The following PRKN variants were observed in gnomAD, a reference collection of about 807,000 sequenced individuals.
The protein encoded by PRKN is parkin RBR E3 ubiquitin protein ligase.
Under a neutral mutation model 59.5 loss-of-function variants are expected in PRKN, and 56 were observed. The ratio of observed to expected loss-of-function variants is 0.94; its 90% CI spans 0.76 to 1.18. The LOEUF is 1.18. PRKN is among the 50% of genes most tolerant of loss of function. The probability of loss-of-function intolerance (pLI) is 0.00; values close to 1 mark genes in which losing one functional copy is unlikely to be tolerated. For synonymous variants in PRKN, 250 were observed against 222.1 expected (o/e 1.13, Z -1.12); for missense variants, 657 against 596.4 (o/e 1.10, Z -1.06).
At chr6:162,653,081 C>T (rs1778506428) in intron 1 of PRKN, among the ~76,000 whole-genome samples, 1 of 152,168 alleles carries the variant, frequency 6.6e-6, no homozygotes, top group Non-Finnish European at 1.5e-5. Context: ...CTGTCATAAA[C>T]AATTTTAAGT....
rs552681381 is a variant in PRKN, at chr6:162,277,694, T to C, written c.172-14929A>G. On this transcript the variant is annotated intron_variant, in intron 2 of 11. Transcript: ENST00000366898. ...AGATGGCAAAGAAGTAGGCTCCACA[T>C]CTTATGTCCTCAGGGAGCAGCAAAT... Among the ~76,000 whole-genome samples the C allele has an allele frequency of 4.0e-5, 6 of 151,806 alleles. No individual in the cohort carries two copies. In the South Asian group the frequency reaches 6.2e-4, roughly 16 times the overall value.
chr6:161,877,731 G>A (rs1241741635), intron 6 of PRKN, among the ~76,000 whole-genome samples: 1 of 152,018 alleles, frequency 6.6e-6, no homozygotes, highest in Non-Finnish European at 1.5e-5. Context: ...GCCTCCCAAA[G>A]TGCTGGGATT....
intron 1 of PRKN, among the ~76,000 whole-genome samples, chr6:162,459,540 CAGCAGAGA>C (rs1359787800): frequency 4.6e-5 from 7 of 152,158 alleles, no homozygotes; most frequent in African/African-American, 1.7e-4. Flanking sequence ...TTTAACTTCG[CAGCAGAGA>C]TTTAAGCCAG....
rs992821326 is a variant in PRKN, at chr6:162,059,747, C to CT, written c.535-5574dup. 1.3e-4 allele frequency among the ~76,000 whole-genome samples: 19 copies of CT among 150,836 alleles called. 1 individual carries two copies. The highest frequency in any genetic ancestry group is 8.5e-4 in the South Asian group (4 of 4,726). ...TTGGCTGGTTTTTAGAGAACGTTCT[C>CT]TTTTTTTTTGCCTAGTAATGACGAT... On this transcript the variant is annotated intron_variant, in intron 4 of 11. Transcript: ENST00000366898.
At chr6:162,082,927 C>G (rs886347998) in intron 4 of PRKN, among the ~76,000 whole-genome samples, 2 of 152,142 alleles carry the variant, frequency 1.3e-5, no homozygotes, top group East Asian at 3.9e-4. Flanking sequence ...CACTAAAGAT[C>G]ACTGATCATA....
At chr6:161,948,718 A>G (rs550221527) in intron 6 of PRKN, among the ~76,000 whole-genome samples, 1 of 152,266 alleles carries the variant, frequency 6.6e-6, no homozygotes, top group Non-Finnish European at 1.5e-5. Flanking sequence ...AAAGATTTGG[A>G]ACTTGCTTAG....
At chr6:162,667,334 T>C (rs1779139595) in intron 1 of PRKN, among the ~76,000 whole-genome samples, 1 of 152,120 alleles carries the variant, frequency 6.6e-6, no homozygotes. Context: ...TTACCAAGTA[T>C]ATAATCCACA....
At position 161,482,997 on chromosome 6, in the gene PRKN, G is replaced by A. The variant is rs1387759093; in HGVS notation, c.1083+65857C>T. 4.6e-5 allele frequency among the ~76,000 whole-genome samples: 7 copies of A among 152,000 alleles called. No individual in the cohort carries two copies. In the East Asian group the frequency reaches 5.8e-4, roughly 13 times the overall value. ...CAGCATCTTCACTAAATTTAATCACGAAGTCTGGCAGTACAGAATTCTTCC... is the reference window on the plus strand; with the variant it reads ...CAGCATCTTCACTAAATTTAATCACAAAGTCTGGCAGTACAGAATTCTTCC... On this transcript the variant is annotated intron_variant, in intron 9 of 11. Transcript: ENST00000366898.
intron 6 of PRKN, among the ~76,000 whole-genome samples, chr6:161,842,741 G>A (rs1793040548): frequency 6.6e-6 from 1 of 151,942 alleles, no homozygotes; most frequent in South Asian, 2.1e-4. Flanking sequence ...ATTGAGATGG[G>A]TTTTCACTAT....
chr6:161,353,342 G>A lies in PRKN; in HGVS notation c.1286-3131C>T, dbSNP rs563934825. ...TGGAGGAAGGAATGCTGCACAGGGAGGCCAAGAAGAATCTAGACCGGCAGG... is the reference window on the plus strand; with the variant it reads ...TGGAGGAAGGAATGCTGCACAGGGAAGCCAAGAAGAATCTAGACCGGCAGG... On this transcript the variant is annotated intron_variant, in intron 11 of 11. Transcript: ENST00000366898. The surrounding 1 kb of genome is among the most constrained non-coding windows in gnomAD (Gnocchi z 4.8). Among the ~76,000 whole-genome samples the A allele has an allele frequency of 3.9e-5, 6 of 152,146 alleles. No individual in the cohort carries two copies. The highest frequency in any genetic ancestry group is 8.8e-5 in the Non-Finnish European group (6 of 68,036).
At chr6:162,378,083 C>T (rs563495424) in intron 2 of PRKN, among the ~76,000 whole-genome samples, 1 of 152,128 alleles carries the variant, frequency 6.6e-6, no homozygotes, top group Non-Finnish European at 1.5e-5. Flanking sequence ...ACTTTAACAT[C>T]ACGAAATCAA....
intron 3 of PRKN, among the ~76,000 whole-genome samples, chr6:162,213,226 G>A (rs561025427): frequency 2.6e-5 from 4 of 152,220 alleles, no homozygotes; most frequent in Admixed American, 6.5e-5. Flanking sequence ...CTATCAAGAT[G>A]CCATCTATCA....
chr6:161,705,250 C>G (rs1786436097), intron 7 of PRKN, among the ~76,000 whole-genome samples: 1 of 152,204 alleles, frequency 6.6e-6, no homozygotes, highest in East Asian at 1.9e-4. Context: ...ACACCTAACC[C>G]ACCGAACATC....
intron 7 of PRKN, among the ~76,000 whole-genome samples, chr6:161,662,241 A>T (rs1182188911): frequency 6.6e-6 from 1 of 152,070 alleles, no homozygotes; most frequent in Non-Finnish European, 1.5e-5. Flanking sequence ...CTATTTTGCG[A>T]TGAGATTTAG....
chr6:162,673,428 G>A (rs1332951472), intron 1 of PRKN, among the ~76,000 whole-genome samples: 1 of 152,102 alleles, frequency 6.6e-6, no homozygotes, highest in Non-Finnish European at 1.5e-5. Flanking sequence ...TTTTAAAACA[G>A]GGTCTGGCTT....
rs1193808416 is a variant in PRKN, at chr6:161,417,933, A to T, written c.1084-31056T>A. On this transcript the variant is annotated intron_variant, in intron 9 of 11. Coordinates refer to ENST00000366898, the MANE Select transcript of PRKN (RefSeq NM_004562.3). This position sits in a 1 kb window ranked among gnomAD's most constrained non-coding sequence, Gnocchi z 5.4. ...ACTCAGTGGCCCACCCAGGGGCATGAGTAATGCTGGGAGCTGCAGGCTGGC... is the reference window on the plus strand; with the variant it reads ...ACTCAGTGGCCCACCCAGGGGCATGTGTAATGCTGGGAGCTGCAGGCTGGC... 6.6e-6 allele frequency among the ~76,000 whole-genome samples: 1 copy of T among 152,174 alleles called. No homozygotes were observed. Among genetic ancestry groups the T allele is most frequent in the Non-Finnish European group, 1.5e-5 (1 of 68,040 alleles).
chr6:162,632,399 T>C (rs1175840811), intron 1 of PRKN, among the ~76,000 whole-genome samples: 3 of 152,132 alleles, frequency 2.0e-5, no homozygotes, highest in East Asian at 3.9e-4. Context: ...AATGAATTAA[T>C]ACAGGAACAA....
intron 1 of PRKN, among the ~76,000 whole-genome samples, chr6:162,484,278 T>C (rs534860085): frequency 3.3e-5 from 5 of 152,238 alleles, no homozygotes; most frequent in South Asian, 2.1e-4. Flanking sequence ...TCATTCTAAA[T>C]GTTAGGTGAA....
chr6:161,967,174 C>T (rs533424065), intron 6 of PRKN, among the ~76,000 whole-genome samples: 39 of 152,290 alleles, frequency 2.6e-4, no homozygotes, highest in South Asian at 2.5e-3. Flanking sequence ...ACTCAAAGGA[C>T]ACAAATCATG....
Sources: allele counts gnomAD v4.1 joint callset (sites outside exome capture counted in the v4.1 genomes callset), GRCh38; gene constraint gnomAD v4.1.1; non-coding constraint Gnocchi (gnomAD v3.1); transcripts MANE v1.5; gene names NCBI Gene and HGNC (gene_info 2026-07-23, HGNC 2026-07-21).